LY86: variants seen among roughly 807,000 people sequenced by gnomAD.
LY86 encodes the protein MD-1, RP105-associated.
A neutral mutation model predicts 17.3 loss-of-function variants in LY86; 20 were observed. That is an observed-to-expected ratio of 1.15 (90% CI 0.81 to 1.68). LY86 has a LOEUF of 1.68. Ranked by LOEUF, LY86 falls within the 40% of genes most tolerant of loss-of-function variation. The probability of loss-of-function intolerance (pLI) is 0.00; values close to 1 mark genes in which losing one functional copy is unlikely to be tolerated. For synonymous variants in LY86, 74 were observed against 70.6 expected, an observed-to-expected ratio of 1.05 and a Z score of -0.24; for missense variants, 200 against 191.9, an observed-to-expected ratio of 1.04 and a Z score of -0.25.
intron 1 of LY86, among the ~76,000 whole-genome samples, chr6:6,600,321 G>A (rs1432778037): frequency 6.6e-6 from 1 of 151,982 alleles, no homozygotes; most frequent in Non-Finnish European, 1.5e-5. Context: ...CAGGCGCGGT[G>A]GCTCATGCCT....
Position 6,606,538 on chromosome 6 carries a change from G to A in LY86, c.136+17668G>A, listed in dbSNP as rs535576292. Among the ~76,000 whole-genome samples the A allele has an allele frequency of 9.2e-5, 14 of 152,272 alleles. No homozygotes were observed. In the East Asian group the frequency reaches 2.1e-3, roughly 23 times the overall value. ...TGTAGCAGGGGGCGGCGCTCGTCGG[G>A]GAGGCTTGGGCGGCACAGGAGCCCA... On this transcript the variant is annotated intron_variant, in intron 1 of 4. Transcript: ENST00000230568.
intron 1 of LY86, among the ~76,000 whole-genome samples, chr6:6,619,677 G>A (rs1401630411): frequency 6.6e-6 from 1 of 152,210 alleles, no homozygotes; most frequent in Non-Finnish European, 1.5e-5. Flanking sequence ...TCTGCCAAAA[G>A]CACATGCAGG....
intron 3 of LY86, among the ~76,000 whole-genome samples, chr6:6,629,492 C>T (rs1255638568): frequency 1.3e-5 from 2 of 152,222 alleles, no homozygotes; most frequent in Non-Finnish European, 2.9e-5. Flanking sequence ...CATAAAAAGG[C>T]TTGCTCTGGG....
At position 6,605,704 on chromosome 6, in the gene LY86, C is replaced by A. The variant is rs573790022; in HGVS notation, c.136+16834C>A. ...ATCTCACGGACTTAAAGAATGAAGCCGCGGAACCTCGCGGTGAGTGTTACA... is the reference window on the plus strand; with the variant it reads ...ATCTCACGGACTTAAAGAATGAAGCAGCGGAACCTCGCGGTGAGTGTTACA... On this transcript the variant is annotated intron_variant, in intron 1 of 4. Transcript: ENST00000230568. 9.2e-5 allele frequency among the ~76,000 whole-genome samples: 14 copies of A among 152,006 alleles called. No individual in the cohort carries two copies. In the South Asian group the frequency reaches 2.9e-3, roughly 32 times the overall value.
intron 1 of LY86, among the ~76,000 whole-genome samples, chr6:6,612,876 T>A (rs1016975355): frequency 6.6e-6 from 1 of 151,956 alleles, no homozygotes; most frequent in South Asian, 2.1e-4. Flanking sequence ...TTACATTCCC[T>A]TAGCTAGACA....
intron 2 of LY86, 125 bp downstream of exon 2, chr6:6,625,137 A>T (rs1163690896): frequency 3.8e-6 from 2 of 532,106 alleles, no homozygotes; most frequent in African/African-American, 2.0e-5. Context: ...ACTCTCTGGA[A>T]TTAACTCTAT....
At chr6:6,610,380 T>A (rs749910875) in intron 1 of LY86, among the ~76,000 whole-genome samples, 23 of 152,250 alleles carry the variant, frequency 1.5e-4, no homozygotes, top group South Asian at 1.4e-3. Context: ...AGGCTACGCA[T>A]CTCCCTCTGC....
intron 4 of LY86, among the ~76,000 whole-genome samples, chr6:6,652,935 C>T (rs1195456072): frequency 2.0e-5 from 3 of 152,078 alleles, no homozygotes; most frequent in Admixed American, 2.0e-4. Context: ...TCTAAATGCA[C>T]ATAGAGATTT....
At chr6:6,605,903 G>GA (rs897332642) in intron 1 of LY86, among the ~76,000 whole-genome samples, 1 of 152,038 alleles carries the variant, frequency 6.6e-6, no homozygotes, top group East Asian at 1.9e-4. Context: ...TAGTCTCGCT[G>GA]GCTTCAGGAA....
intron 1 of LY86, among the ~76,000 whole-genome samples, chr6:6,603,634 C>CAT (rs1302585438): frequency 2.6e-5 from 2 of 76,414 alleles, no homozygotes; most frequent in Non-Finnish European, 6.1e-5. Context: ...AAAAACAAAA[C>CAT]ACACACACAC....
intron 1 of LY86, among the ~76,000 whole-genome samples, chr6:6,599,396 C>T (rs1561776047): frequency 6.6e-6 from 1 of 152,200 alleles, no homozygotes; most frequent in Non-Finnish European, 1.5e-5. Context: ...TCTAGCATTC[C>T]ATCAGTGCAG....
intron 1 of LY86, among the ~76,000 whole-genome samples, chr6:6,612,227 A>G (rs1315669902): frequency 6.6e-6 from 1 of 152,224 alleles, no homozygotes; most frequent in African/African-American, 2.4e-5. Flanking sequence ...AAGTTCTTCA[A>G]GAGGGCGTGT....
At chr6:6,614,677 C>G (rs1761505529) in intron 1 of LY86, among the ~76,000 whole-genome samples, 1 of 152,062 alleles carries the variant, frequency 6.6e-6, no homozygotes, top group Non-Finnish European at 1.5e-5. Context: ...TCCCTGAACT[C>G]TCATCTCAAA....
At chr6:6,618,328 C>G (rs1761600372) in intron 1 of LY86, among the ~76,000 whole-genome samples, 1 of 152,162 alleles carries the variant, frequency 6.6e-6, no homozygotes, top group South Asian at 2.1e-4. Context: ...CTGATAGAAG[C>G]CAAACTTAGG....
intron 4 of LY86, among the ~76,000 whole-genome samples, chr6:6,650,509 A>G (rs1389955037): frequency 6.6e-6 from 1 of 151,988 alleles, no homozygotes; most frequent in East Asian, 1.9e-4. Flanking sequence ...TAATTTTTGG[A>G]TTTTTAGTAG....
chr6:6,597,175 A>AG (rs1311023990), intron 1 of LY86, among the ~76,000 whole-genome samples: 1 of 152,148 alleles, frequency 6.6e-6, no homozygotes, highest in East Asian at 1.9e-4. Flanking sequence ...GGCCCGCAGG[A>AG]GGGGGAGTGT....
rs1453947244 is a variant in LY86 at position 6,613,185 on chromosome 6, C to T, written c.137-11741C>T. Among the ~76,000 whole-genome samples the T allele has an allele frequency of 3.9e-5, 6 of 152,226 alleles. No individual in the cohort carries two copies. The South Asian group carries it at 6.2e-4, about 16-fold the overall frequency. ...TAGACATAAAGATTCTCCAAGTTCC[C>T]ACCAGACTCAGGAGCCCAGCTGGCT... On this transcript the variant is annotated intron_variant, in intron 1 of 4. Transcript: ENST00000230568.
At chr6:6,606,046 G>C (rs745809433) in intron 1 of LY86, among the ~76,000 whole-genome samples, 10 of 152,220 alleles carry the variant, frequency 6.6e-5, no homozygotes, top group African/African-American at 2.4e-4. Context: ...TACTCAAGCA[G>C]GTTACTGCTG....
intron 3 of LY86, among the ~76,000 whole-genome samples, chr6:6,644,394 T>C (rs185313394): frequency 6.6e-6 from 1 of 152,050 alleles, no homozygotes; most frequent in African/African-American, 2.4e-5. Context: ...CACGCACTTG[T>C]AGTCTCAGCT....
Sources: allele counts gnomAD v4.1 joint callset (sites outside exome capture counted in the v4.1 genomes callset), GRCh38; gene constraint gnomAD v4.1.1; transcripts MANE v1.5; gene names NCBI Gene and HGNC (gene_info 2026-07-23, HGNC 2026-07-21).